Variants in GPATCH2 observed in about 807,000 individuals in gnomAD.
GPATCH2 encodes the protein G-patch domain containing 2.
GPATCH2 carries 51 observed loss-of-function variants against 58.0 expected under a neutral mutation model. The observed-to-expected ratio is 0.88, with a 90% CI of 0.70 to 1.11. The LOEUF is 1.11. Among genes scored for constraint, GPATCH2 ranks in the 50% most tolerant of loss-of-function variants. The pLI is 0.00. For missense variants in GPATCH2, 625 were observed against 652.2 expected, an observed-to-expected ratio of 0.96 and a Z score of 0.45; for synonymous variants, 222 against 218.5, an observed-to-expected ratio of 1.02 and a Z score of -0.14.
At chr1:217,464,161 G>A (rs1660331759) in intron 8 of GPATCH2, among the ~76,000 whole-genome samples, 1 of 152,108 alleles carries the variant, frequency 6.6e-6, no homozygotes, top group African/African-American at 2.4e-5. Context: ...ATAATTAAGA[G>A]TACTCTGCGA....
At chr1:217,518,853 C>G (rs1663309481) in intron 5 of GPATCH2, among the ~76,000 whole-genome samples, 1 of 152,216 alleles carries the variant, frequency 6.6e-6, no homozygotes, top group African/African-American at 2.4e-5. Flanking sequence ...CTGACAAACA[C>G]TTATGTTGGC....
At chr1:217,481,305 A>T (rs1409621143) in intron 8 of GPATCH2, among the ~76,000 whole-genome samples, 3 of 152,222 alleles carry the variant, frequency 2.0e-5, no homozygotes, top group African/African-American at 7.2e-5. Context: ...CAAAAATTAA[A>T]GTAAAACAAA....
chr1:217,493,040 G>C (rs922075931), intron 7 of GPATCH2, among the ~76,000 whole-genome samples: 1 of 152,074 alleles, frequency 6.6e-6, no homozygotes, highest in Non-Finnish European at 1.5e-5. Flanking sequence ...AGGAACGTCT[G>C]AACTAAATAA....
chr1:217,533,588 G>T lies in GPATCH2; in HGVS notation c.1099-18699C>A, dbSNP rs1189258221. 3.9e-5 allele frequency among the ~76,000 whole-genome samples: 6 copies of T among 152,184 alleles called. No homozygotes were observed. In the East Asian group the frequency reaches 9.6e-4, roughly 24 times the overall value. On this transcript the variant is annotated intron_variant, in intron 5 of 9. Coordinates refer to ENST00000366935, the MANE Select transcript of GPATCH2 (RefSeq NM_018040.5). ...TAGCAGCATCTAGAGACTAGGAATT[G>T]TCTCTTAATCAACTTTGTTTCTCCC...
intron 8 of GPATCH2, among the ~76,000 whole-genome samples, chr1:217,489,147 G>C (rs994573458): frequency 6.7e-6 from 1 of 149,404 alleles, no homozygotes; most frequent in Non-Finnish European, 1.5e-5. Context: ...ATTTTGCCCA[G>C]GCTGGTCTCA....
At chr1:217,581,837 G>C in intron 5 of GPATCH2, among the ~76,000 whole-genome samples, 1 of 152,180 alleles carries the variant, frequency 6.6e-6, no homozygotes, top group East Asian at 1.9e-4. Flanking sequence ...TGTGATCCCA[G>C]CTACTTGGGA....
chr1:217,484,540 T>C (rs1661358407), intron 8 of GPATCH2, among the ~76,000 whole-genome samples: 1 of 119,762 alleles, frequency 8.3e-6, no homozygotes, highest in Admixed American at 1.1e-4. Context: ...AAATAAATCT[T>C]TCTATATATA....
chr1:217,546,059 T>A lies in GPATCH2; in HGVS notation c.1099-31170A>T, dbSNP rs900657634. ...TATATCACAAAGTTTTAATTTTTTTTAATAAAATACCTAGGAATATAGCTA... is the reference window on the plus strand; with the variant it reads ...TATATCACAAAGTTTTAATTTTTTTAAATAAAATACCTAGGAATATAGCTA... On this transcript the variant is annotated intron_variant, in intron 5 of 9. Coordinates refer to ENST00000366935, the MANE Select transcript of GPATCH2 (RefSeq NM_018040.5). Among the ~76,000 whole-genome samples the A allele has an allele frequency of 5.3e-5, 8 of 152,100 alleles. No individual in the cohort carries two copies. The East Asian group carries it at 5.8e-4, about 11-fold the overall frequency.
chr1:217,540,451 C>T (rs144532038), intron 5 of GPATCH2, among the ~76,000 whole-genome samples: 7 of 152,308 alleles, frequency 4.6e-5, no homozygotes, highest in Non-Finnish European at 7.4e-5. Context: ...GTGAAAGTAA[C>T]ATGAAGTTTT....
At chr1:217,460,236 G>T (rs1387209963) in intron 8 of GPATCH2, among the ~76,000 whole-genome samples, 2 of 152,126 alleles carry the variant, frequency 1.3e-5, no homozygotes, top group Non-Finnish European at 2.9e-5. Context: ...TTAAGTTATT[G>T]TATTTGTAAC....
At chr1:217,518,695 G>A (rs1443583027) in intron 5 of GPATCH2, among the ~76,000 whole-genome samples, 1 of 152,124 alleles carries the variant, frequency 6.6e-6, no homozygotes, top group African/African-American at 2.4e-5. Context: ...GTAAATTAAT[G>A]AAGTTTCTTT....
At chr1:217,522,342 T>C (rs1188167040) in intron 5 of GPATCH2, among the ~76,000 whole-genome samples, 3 of 148,792 alleles carry the variant, frequency 2.0e-5, no homozygotes, top group Non-Finnish European at 4.6e-5. Context: ...GCAACAACTT[T>C]TTTCATACCA....
chr1:217,480,228 G>T (rs949109900), intron 8 of GPATCH2, among the ~76,000 whole-genome samples: 1 of 151,914 alleles, frequency 6.6e-6, no homozygotes, highest in Non-Finnish European at 1.5e-5. Context: ...GAAAATATTT[G>T]CAAGCTACCC....
intron 5 of GPATCH2, among the ~76,000 whole-genome samples, chr1:217,544,490 CTT>C (rs934957885): frequency 6.6e-6 from 1 of 152,214 alleles, no homozygotes; most frequent in African/African-American, 2.4e-5. Flanking sequence ...GTTTAATTCC[CTT>C]TGTCAGCTCT....
rs1659551164 is a variant in GPATCH2, at chr1:217,449,356, A to C, written c.1278-19T>G. ...TGTTTGCCTACGAATAATTATCAGA[A>C]AAAACTATTAACAAAGAAGAAAAAA... On this transcript the variant is annotated intron_variant, in intron 8 of 9. Coordinates refer to ENST00000366935, the MANE Select transcript of GPATCH2 (RefSeq NM_018040.5). 1.4e-6 allele frequency: 2 copies of C among 1,402,422 alleles called. No homozygotes were observed. Among genetic ancestry groups the C allele is most frequent in the Non-Finnish European group, 2.0e-6 (2 of 987,604 alleles). The allele number at this position is 1,402,422 out of a possible 1,614,324, so 86.9% of individuals were successfully genotyped here.
intron 8 of GPATCH2, among the ~76,000 whole-genome samples, chr1:217,453,316 C>T (rs1479649257): frequency 6.6e-6 from 1 of 152,062 alleles, no homozygotes; most frequent in East Asian, 1.9e-4. Context: ...AAACACCAAT[C>T]AACTAGATAT....
chr1:217,457,799 T>C (rs1056445153), intron 8 of GPATCH2, among the ~76,000 whole-genome samples: 4 of 152,196 alleles, frequency 2.6e-5, no homozygotes, highest in African/African-American at 7.2e-5. Context: ...CATACAAGAA[T>C]GAAACACTCA....
rs779430891 is a variant in GPATCH2, at chr1:217,428,697, G to A, written c.*2448C>T. ...GTAAGAAGTATTTTAAGTCCTCTGT[G>A]AATCACATAGAGGGCTCTAGGTGTC... On this transcript the variant is annotated 3_prime_UTR_variant, in exon 10 of 10. Transcript: ENST00000366935. 8.5e-5 allele frequency: 13 copies of A among 152,158 alleles called. No homozygotes were observed. Among genetic ancestry groups the A allele is most frequent in the Non-Finnish European group, 7.4e-5 (5 of 68,024 alleles). The allele number at this position is 152,158 out of a possible 1,614,324, so 9.4% of individuals were successfully genotyped here. A position where few individuals can be genotyped will look rare whatever the true frequency, so the allele number is the denominator to read the frequency against.
chr1:217,481,884 C>A (rs541694771), intron 8 of GPATCH2, among the ~76,000 whole-genome samples: 1 of 151,792 alleles, frequency 6.6e-6, no homozygotes, highest in Admixed American at 6.6e-5. Flanking sequence ...AACAAACAAA[C>A]AAAAAACAAA....
Sources: allele counts gnomAD v4.1 joint callset (sites outside exome capture counted in the v4.1 genomes callset), GRCh38; gene constraint gnomAD v4.1.1; transcripts MANE v1.5; gene names NCBI Gene and HGNC (gene_info 2026-07-23, HGNC 2026-07-21).